SPAG9: variants seen among roughly 807,000 people sequenced by gnomAD.
SPAG9 encodes C-Jun-amino-terminal kinase-interacting protein 4.
A neutral mutation model predicts 166.5 loss-of-function variants in SPAG9; 35 were observed. The observed-to-expected ratio is 0.21, with a 90% CI of 0.16 to 0.28. The LOEUF is 0.28. Among genes scored for constraint, SPAG9 ranks in the 10% least tolerant of loss-of-function variants. SPAG9 has a pLI of 1.00. For missense variants in SPAG9, 1,235 were observed against 1,603.3 expected, an observed-to-expected ratio of 0.77 and a Z score of 3.92; for synonymous variants, 534 against 565.5, an observed-to-expected ratio of 0.94 and a Z score of 0.79.
chr17:51,011,537 A>G (rs2045484393), intron 9 of SPAG9, among the ~76,000 whole-genome samples: 1 of 151,914 alleles, frequency 6.6e-6, no homozygotes, highest in African/African-American at 2.4e-5. Context: ...TGCACGCCAC[A>G]ATGCCCAGCT....
chr17:51,020,307 C>G (rs1310172783), intron 7 of SPAG9, 49 bp from the exon 8 acceptor site: 1 of 1,231,746 alleles, frequency 8.1e-7, no homozygotes, highest in Non-Finnish European at 1.2e-6. Flanking sequence ...TACACAGTAC[C>G]CCAATATAAA....
intron 23 of SPAG9, 43 bp from the exon 24 acceptor site, chr17:50,985,033 T>C (rs779356740): frequency 1.0e-5 from 16 of 1,565,254 alleles, no homozygotes; most frequent in South Asian, 8.9e-5. Context: ...CATTCAGGAA[T>C]ACAGAAGGGA....
intron 1 of SPAG9, among the ~76,000 whole-genome samples, chr17:51,115,489 G>C (rs569278605): frequency 6.7e-5 from 10 of 148,854 alleles, no homozygotes; most frequent in African/African-American, 2.2e-4. Context: ...TCCCAGTAAA[G>C]ATATTCTCTC....
At chr17:51,015,520 A>G (rs1009766346) in intron 8 of SPAG9, among the ~76,000 whole-genome samples, 3 of 152,146 alleles carry the variant, frequency 2.0e-5, no homozygotes, top group Admixed American at 6.6e-5. Flanking sequence ...CCAGATGTCT[A>G]AAGAAGGCCT....
At chr17:51,095,721 C>T (rs1019104966) in intron 1 of SPAG9, among the ~76,000 whole-genome samples, 3 of 134,646 alleles carry the variant, frequency 2.2e-5, no homozygotes, top group East Asian at 2.0e-4. Flanking sequence ...GTGATATATA[C>T]ATATAGTGAT....
intron 3 of SPAG9, among the ~76,000 whole-genome samples, chr17:51,048,534 T>C (rs1336266502): frequency 6.6e-6 from 1 of 152,090 alleles, no homozygotes; most frequent in African/African-American, 2.4e-5. Context: ...TGGAAGTCAC[T>C]AAACTTTAGC....
intron 2 of SPAG9, among the ~76,000 whole-genome samples, chr17:51,068,977 C>T (rs906104126): frequency 2.0e-5 from 3 of 151,990 alleles, no homozygotes; most frequent in African/African-American, 7.2e-5. Flanking sequence ...TATCTTGTGC[C>T]TAATTTTCTA....
intron 2 of SPAG9, among the ~76,000 whole-genome samples, chr17:51,077,077 GCTATCTAGCTAGCTAT>G (rs1208007193): frequency 5.5e-4 from 64 of 116,280 alleles, no homozygotes; most frequent in African/African-American, 1.1e-3. Context: ...TAGCTATCTA[GCTATCTAGCTAGCTAT>G]CTATCTAGCT....
intron 1 of SPAG9, among the ~76,000 whole-genome samples, chr17:51,089,569 T>C (rs1420841712): frequency 1.4e-5 from 2 of 142,636 alleles, no homozygotes; most frequent in African/African-American, 2.5e-5. Flanking sequence ...TATATAATTA[T>C]AATATATATG....
chr17:51,082,115 G>A (rs1012874551), intron 1 of SPAG9, among the ~76,000 whole-genome samples: 9 of 152,056 alleles, frequency 5.9e-5, no homozygotes, highest in Admixed American at 3.9e-4. Context: ...GGTGGCTCAC[G>A]CCTGTAATCC....
At chr17:50,985,337 AT>A (rs989720451) in intron 23 of SPAG9, among the ~76,000 whole-genome samples, 2 of 152,166 alleles carry the variant, frequency 1.3e-5, no homozygotes, top group East Asian at 3.8e-4. Context: ...AAACTGTCTG[AT>A]TTTTTTACAG....
At chr17:51,059,227 A>T (rs559448101) in intron 2 of SPAG9, among the ~76,000 whole-genome samples, 5 of 152,270 alleles carry the variant, frequency 3.3e-5, no homozygotes, top group Middle Eastern at 3.4e-3. Flanking sequence ...GGAGTCAGTG[A>T]TCTGATGTAT....
At chr17:51,033,819 T>C (rs1343252751) in intron 5 of SPAG9, among the ~76,000 whole-genome samples, 3 of 152,240 alleles carry the variant, frequency 2.0e-5, no homozygotes, top group Non-Finnish European at 1.5e-5. Context: ...GTAGAAAATG[T>C]TAAACAACTT....
Position 50,995,458 on chromosome 17 carries a change from C to CT in SPAG9, c.2043dup (p.Asp682ArgfsTer44), listed in dbSNP as rs2044634949. 6.2e-7 allele frequency: 1 copy of CT among 1,607,076 alleles called. No homozygotes were observed. ...AATGAACTTACCTTCATTGATGTAT[C>CT]TTTTTCATCCAGAGGTCTGAGATAG... On this transcript the variant is annotated frameshift_variant, in exon 17 of 30. Transcript: ENST00000262013. LOFTEE classifies it high-confidence loss of function.
chr17:51,062,516 G>A (rs2047544278), intron 2 of SPAG9, among the ~76,000 whole-genome samples: 1 of 152,068 alleles, frequency 6.6e-6, no homozygotes, highest in Non-Finnish European at 1.5e-5. Context: ...TCACATAGTG[G>A]GAATCATATA....
rs944067824 is a variant in SPAG9, at chr17:50,974,074, G to GA, written c.3700+696dup. Reference sequence around the variant, plus strand: ...TAGCTCCTAAACTTGCCTCTTATGGGAAAAAAAAATTCAAAACCTGTGTCC... The same window carrying GA: ...TAGCTCCTAAACTTGCCTCTTATGGGAAAAAAAAAATTCAAAACCTGTGTCC... On this transcript the variant is annotated intron_variant, in intron 28 of 29. Coordinates refer to ENST00000262013, the MANE Select transcript of SPAG9 (RefSeq NM_001130528.3). Among the ~76,000 whole-genome samples, 24 of 151,458 alleles carry GA rather than the reference G, an allele frequency of 1.6e-4. No individual in the cohort carries two copies. The South Asian group carries it at 2.9e-3, about 18-fold the overall frequency.
At chr17:51,017,514 C>A (rs1292073047) in intron 8 of SPAG9, among the ~76,000 whole-genome samples, 2 of 131,088 alleles carry the variant, frequency 1.5e-5, no homozygotes, top group African/African-American at 6.2e-5. Flanking sequence ...GAATGAGAAC[C>A]TGTCTGAGAG....
chr17:51,100,428 G>A (rs1019822013), intron 1 of SPAG9, among the ~76,000 whole-genome samples: 4 of 152,092 alleles, frequency 2.6e-5, no homozygotes, highest in African/African-American at 9.6e-5. Flanking sequence ...AACATGGTGA[G>A]ATCCTGTCTC....
At chr17:51,063,327 G>A (rs1445139074) in intron 2 of SPAG9, among the ~76,000 whole-genome samples, 7 of 150,908 alleles carry the variant, frequency 4.6e-5, no homozygotes, top group Admixed American at 2.6e-4. Context: ...CAGGAGGATC[G>A]TTTGAACCTG....
Sources: allele counts gnomAD v4.1 joint callset (sites outside exome capture counted in the v4.1 genomes callset), GRCh38; gene constraint gnomAD v4.1.1; transcripts MANE v1.5; gene names NCBI Gene and HGNC (gene_info 2026-07-23, HGNC 2026-07-21).